ATM: variants seen among roughly 807,000 people sequenced by gnomAD.
ATM encodes serine-protein kinase ATM.
Under a neutral mutation model 387.0 loss-of-function variants are expected in ATM, and 308 were observed. The observed-to-expected ratio is 0.80, with a 90% CI of 0.73 to 0.87. The LOEUF (loss-of-function observed/expected upper bound fraction) is 0.87. ATM is among the 40% of genes least tolerant of loss of function. ATM has a pLI of 0.00. For synonymous variants in ATM, 1,156 were observed against 1,187.3 expected, an observed-to-expected ratio of 0.97 and a Z score of 0.54; for missense variants, 3,312 against 3,560.9, an observed-to-expected ratio of 0.93 and a Z score of 1.78.
chr11:108,356,302 G>A (rs537440410), intron 61 of ATM, among the ~76,000 whole-genome samples: 19 of 152,126 alleles, frequency 1.2e-4, no homozygotes, highest in Non-Finnish European at 2.2e-4. Flanking sequence ...TTGAGAGGCC[G>A]AGACAGGTGG....
At chr11:108,253,055 G>A in intron 12 of ATM, 143 bp downstream of exon 12, 1 of 693,796 alleles carries the variant, frequency 1.4e-6, no homozygotes, top group Non-Finnish European at 2.5e-6. Flanking sequence ...CCAGGGAAGA[G>A]GTTGTTTTAA....
At chr11:108,322,830 C>T (rs1211542458) in intron 45 of ATM, among the ~76,000 whole-genome samples, 1 of 151,474 alleles carries the variant, frequency 6.6e-6, no homozygotes, top group African/African-American at 2.4e-5. Flanking sequence ...TGTTACACTC[C>T]ATTCGGTTTT....
chr11:108,239,309 A>G (rs907174368), intron 5 of ATM, among the ~76,000 whole-genome samples: 1 of 152,190 alleles, frequency 6.6e-6, no homozygotes, highest in African/African-American at 2.4e-5. Context: ...AGCCTCCAAA[A>G]TTGAGAGAAA....
Position 108,248,030 on chromosome 11 carries a change from G to A in ATM, c.1065+903G>A, listed in dbSNP as rs4987934. Reference sequence around the variant, plus strand: ...TGGATTTTCCTGTTTGGGACAGTTCGTTTAAATGGAATCATACAATATGTG... The same window carrying A: ...TGGATTTTCCTGTTTGGGACAGTTCATTTAAATGGAATCATACAATATGTG... On this transcript the variant is annotated intron_variant, in intron 8 of 62. Transcript: ENST00000675843. Among the ~76,000 whole-genome samples the A allele has an allele frequency of 2.7e-3, 406 of 152,214 alleles. 3 individuals carry two copies. The highest frequency in any genetic ancestry group is 9.5e-3 in the African/African-American group (393 of 41,532).
intron 5 of ATM, among the ~76,000 whole-genome samples, chr11:108,240,211 T>G (rs1466779540): frequency 2.0e-5 from 3 of 152,182 alleles, no homozygotes; most frequent in Non-Finnish European, 2.9e-5. Context: ...AATGAGATGG[T>G]CATATTTTTT....
chr11:108,250,290 T>C (rs895414195), intron 9 of ATM, among the ~76,000 whole-genome samples: 1 of 152,020 alleles, frequency 6.6e-6, no homozygotes, highest in Non-Finnish European at 1.5e-5. Context: ...GTAGCTGGGA[T>C]TCCAGGCATG....
At chr11:108,245,809 G>C (rs970023441) in intron 7 of ATM, among the ~76,000 whole-genome samples, 2 of 147,442 alleles carry the variant, frequency 1.4e-5, no homozygotes, top group African/African-American at 5.0e-5. Context: ...TGGAGGAAAT[G>C]TCTTGTAGCC....
rs887944555 is a variant in ATM, at chr11:108,253,924, G to A, written c.2009G>A (p.Gly670Asp). The change falls in exon 13 of 63, where the codon GGT becomes GAT. Residue 670 changes from glycine (G) to aspartate (D), a missense_variant. Coordinates refer to ENST00000675843, the MANE Select transcript of ATM (RefSeq NM_000051.4). ...MDFLTIVREC[G>D]IEKHQSSIGF... ...TTTTTAACCATTGTGAGAGAATGTG[G>A]TATAGAAAAGCACCAGTCCAGTATT... 3 of 1,614,024 alleles carry A rather than the reference G, an allele frequency of 1.9e-6. 1 individual carries two copies. In the South Asian group the frequency reaches 3.3e-5, roughly 18 times the overall value.
chr11:108,325,121 C>T (rs971910901), intron 45 of ATM, among the ~76,000 whole-genome samples, 189 bp from the exon 46 acceptor site: 2 of 151,984 alleles, frequency 1.3e-5, no homozygotes, highest in East Asian at 1.9e-4. Context: ...GAGCTCTGAC[C>T]GCATAGCATT....
chr11:108,267,032 G>T (rs2081290645), intron 16 of ATM, 139 bp from the exon 17 acceptor site: 1 of 799,716 alleles, frequency 1.3e-6, no homozygotes, highest in Non-Finnish European at 2.1e-6. Context: ...CCGACCTCAG[G>T]TGATCCACCT....
Position 108,329,012 on chromosome 11 carries a change from T to C in ATM, c.7090-9T>C, listed in dbSNP as rs2136409178. 1 of 1,612,154 alleles carries C rather than the reference T, an allele frequency of 6.2e-7. No individual in the cohort carries two copies. The highest frequency in any genetic ancestry group is 1.3e-5 in the African/African-American group (1 of 75,012). ...AAATATAATTTAAATTGGTTGTGTT[T>C]TCTTGAAGGCAGTAGAAGTTGCTGG... On this transcript the variant is annotated splice_polypyrimidine_tract_variant and intron_variant, in intron 48 of 62. Transcript: ENST00000675843.
chr11:108,257,471 T>G lies in ATM; in HGVS notation c.2251-10T>G, dbSNP rs730881346. On this transcript the variant is annotated splice_polypyrimidine_tract_variant and intron_variant, in intron 14 of 62. Coordinates refer to ENST00000675843, the MANE Select transcript of ATM (RefSeq NM_000051.4). ...ACTGGAATTTGCATTTTTCCTTCTA[T>G]TCACAATAGTCTCTAATGCAATGTG... The G allele has an allele frequency of 1.7e-5, 28 of 1,612,146 alleles. No individual in the cohort carries two copies. Among genetic ancestry groups the G allele is most frequent in the Non-Finnish European group, 2.4e-5 (28 of 1,179,624 alleles).
chr11:108,312,263 A>G (rs2084229221), intron 39 of ATM, 148 bp from the exon 40 acceptor site: 1 of 634,020 alleles, frequency 1.6e-6, no homozygotes. Flanking sequence ...CCTAGGTATA[A>G]ATGGTATTAT....
chr11:108,296,981 C>CT, intron 32 of ATM: 1 of 348,104 alleles, frequency 2.9e-6, no homozygotes. Context: ...TCCCTTCTAG[C>CT]TTTAGTGTTG....
chr11:108,229,575 G>A (rs1203604564), intron 4 of ATM: 5 of 404,714 alleles, frequency 1.2e-5, no homozygotes, highest in East Asian at 9.0e-5. Flanking sequence ...TGATCAATTC[G>A]TTGTAAACAC....
intron 29 of ATM, chr11:108,290,078 C>T (rs1353079434): frequency 2.6e-5 from 8 of 303,022 alleles, no homozygotes; most frequent in Admixed American, 9.0e-5. Flanking sequence ...AGGGTGGTCT[C>T]AAACTCCTGG....
intron 16 of ATM, among the ~76,000 whole-genome samples, chr11:108,264,354 C>A (rs2081087228): frequency 1.3e-5 from 2 of 152,280 alleles, no homozygotes; most frequent in South Asian, 4.1e-4. Context: ...TGTAATCCAG[C>A]ATGTAAACAG....
intron 57 of ATM, 58 bp from the exon 58 acceptor site, chr11:108,345,683 GTA>G: frequency 7.7e-7 from 1 of 1,294,600 alleles, no homozygotes; most frequent in Non-Finnish European, 1.1e-6. Flanking sequence ...ATAAAAATGT[GTA>G]TATTAGTTTA....
At chr11:108,335,641 G>GAATT (rs1293299946) in intron 55 of ATM, among the ~76,000 whole-genome samples, 1 of 152,108 alleles carries the variant, frequency 6.6e-6, no homozygotes, top group Non-Finnish European at 1.5e-5. Context: ...CAGAAGTAGC[G>GAATT]AGGGGAAACT....
Sources: gnomAD v4.1 joint callset for allele counts (sites outside exome capture counted in the v4.1 genomes callset) on GRCh38, gnomAD v4.1.1 for gene constraint, MANE v1.5 for transcripts, NCBI Gene and HGNC (gene_info 2026-07-23, HGNC 2026-07-21) for gene names.